Variants in FMNL1 observed in about 807,000 individuals in gnomAD.
FMNL1 encodes the protein formin like 1.
In FMNL1, 43 loss-of-function variants were observed where a neutral mutation model predicts 121.3. That is an observed-to-expected ratio of 0.35 (90% CI 0.28 to 0.46). FMNL1 has a LOEUF of 0.46. Among genes scored for constraint, FMNL1 ranks in the 20% least tolerant of loss-of-function variants. The probability of loss-of-function intolerance (pLI) is 1.00; values close to 1 mark genes in which losing one functional copy is unlikely to be tolerated. For missense variants in FMNL1, 1,191 were observed against 1,482.4 expected, an observed-to-expected ratio of 0.80 and a Z score of 3.23; for synonymous variants, 613 against 613.5, an observed-to-expected ratio of 1.00 and a Z score of 0.01.
intron 9 of FMNL1, chr17:45,238,039 T>C (rs1052639168): frequency 1.4e-5 from 3 of 208,632 alleles, no homozygotes; most frequent in African/African-American, 6.9e-5. Flanking sequence ...ATTCCTTTAA[T>C]GAATATTTAT....
intron 1 of FMNL1, among the ~76,000 whole-genome samples, chr17:45,227,471 G>T (rs1044603341): frequency 2.6e-5 from 4 of 152,150 alleles, no homozygotes; most frequent in South Asian, 2.1e-4. Context: ...ATAGAAAGAT[G>T]TGGGGAATCA....
At chr17:45,230,788 A>G in intron 2 of FMNL1, 101 bp downstream of exon 2, 3 of 1,291,738 alleles carry the variant, frequency 2.3e-6, no homozygotes, top group Non-Finnish European at 3.2e-6. Flanking sequence ...CATACTGCCC[A>G]TGGAGCCAAG....
At chr17:45,227,687 C>A (rs1454910220) in intron 1 of FMNL1, among the ~76,000 whole-genome samples, 1 of 152,174 alleles carries the variant, frequency 6.6e-6, no homozygotes, top group African/African-American at 2.4e-5. Flanking sequence ...GACCCCTGCC[C>A]CTCCACCTCT....
chr17:45,238,813 T>TGAA, intron 10 of FMNL1, 142 bp from the exon 11 acceptor site: 2 of 1,065,562 alleles, frequency 1.9e-6, no homozygotes, highest in East Asian at 4.9e-5. Context: ...AACATGGAGG[T>TGAA]GAAATGTTGG....
At chr17:45,239,869 C>T (rs964437087) in intron 11 of FMNL1, among the ~76,000 whole-genome samples, 2 of 149,900 alleles carry the variant, frequency 1.3e-5, no homozygotes, top group Non-Finnish European at 2.9e-5. Flanking sequence ...GATCTTGGCT[C>T]ACTGCAACCT....
chr17:45,241,428 C>G lies in FMNL1; in HGVS notation c.1379C>G (p.Pro460Arg), dbSNP rs775042183. The G allele has an allele frequency of 6.4e-7, 1 of 1,563,188 alleles. No individual in the cohort carries two copies. The highest frequency in any genetic ancestry group is 1.4e-5 in the African/African-American group (1 of 73,708). Residue 460 changes from proline to arginine, a missense_variant, in exon 14 of 27, where the codon CCA (proline) becomes CGA (arginine). Physicochemically the swap from Pro to Arg is moderately radical, Grantham distance 103 (BLOSUM62 -2). This residue lies in a region of FMNL1 where 519 missense variants were observed against 492.8 expected (regional missense o/e 1.05). Transcript: ENST00000331495. This position sits in a 1 kb window ranked among gnomAD's most constrained non-coding sequence, Gnocchi z 7.0. ...STAMGPSRRP[P>R]EPEKAPPAAP... ...GCCATGGGGCCCTCCAGGCGTCCCC[C>G]AGAGCCTGAGAAAGCGCCTCCCGCT...
At chr17:45,244,709 C>A in intron 19 of FMNL1, 110 bp from the exon 20 acceptor site, 1 of 1,118,204 alleles carries the variant, frequency 8.9e-7, no homozygotes, top group Non-Finnish European at 1.3e-6. Flanking sequence ...ACAGTAGGGG[C>A]TGAGTGTGTG....
At chr17:45,243,359 C>G (rs531101031) in intron 17 of FMNL1, 39 bp downstream of exon 17, 2 of 1,604,290 alleles carry the variant, frequency 1.2e-6, no homozygotes, top group East Asian at 4.5e-5. Context: ...CAGTCCGGCC[C>G]CTTTGCTAGG....
chr17:45,243,924 C>T lies in FMNL1; in HGVS notation c.2347C>T (p.Arg783Cys), dbSNP rs779109591. The change falls in exon 18 of 27, where the codon CGC becomes TGC. Residue 783 changes from arginine (R) to cysteine (C), a missense_variant. This residue lies in a region of FMNL1 where 367 missense variants were observed against 528.6 expected (regional missense o/e 0.69). Transcript: ENST00000331495. Reference protein sequence around the residue: ...RPMEELSEEDRFMLCFSRIPR... With the variant: ...RPMEELSEEDCFMLCFSRIPR... ...AATGGAGGAGCTGTCAGAGGAGGAC[C>T]GCTTCATGCTATGCTTCAGCCGCAT... The T allele has an allele frequency of 6.8e-6, 11 of 1,613,910 alleles. No individual in the cohort carries two copies. The highest frequency in any genetic ancestry group is 1.7e-5 in the Admixed American group (1 of 60,034).
chr17:45,226,138 C>T (rs916385867), intron 1 of FMNL1, among the ~76,000 whole-genome samples: 11 of 152,336 alleles, frequency 7.2e-5, no homozygotes, highest in Admixed American at 2.0e-4. Context: ...GCAACCTCCC[C>T]ACCGTTATGC....
intron 1 of FMNL1, among the ~76,000 whole-genome samples, chr17:45,224,415 C>T (rs535632691): frequency 3.9e-4 from 60 of 152,322 alleles, no homozygotes; most frequent in African/African-American, 1.4e-3. Context: ...TGAGTCCTGT[C>T]CTCGGTCAGT....
rs2043658316 is a variant in FMNL1, at chr17:45,240,396, G to A, written c.1081-80G>A. 4.8e-6 allele frequency: 7 copies of A among 1,459,570 alleles called. No homozygotes were observed. The East Asian group carries it at 1.4e-4, about 30-fold the overall frequency. The allele number at this position is 1,459,570 out of a possible 1,614,324, so 90.4% of individuals were successfully genotyped here. A position where few individuals can be genotyped will look rare whatever the true frequency, so the allele number is the denominator to read the frequency against. ...CAGGCCCCTTCCTCTGGATGGCAGT[G>A]GTGGCAGGGGGGTGGTTTGGAAAGA... is the stretch of plus-strand genomic sequence containing the variant. On this transcript the variant is annotated intron_variant, in intron 11 of 26. Coordinates refer to ENST00000331495, the MANE Select transcript of FMNL1 (RefSeq NM_005892.4).
At chr17:45,244,745 C>T (rs575525001) in intron 19 of FMNL1, 74 bp from the exon 20 acceptor site, 4 of 1,491,154 alleles carry the variant, frequency 2.7e-6, no homozygotes, top group African/African-American at 2.8e-5. Context: ...CACCTCTTCT[C>T]CTCCTTGTGC....
At chr17:45,238,798 G>T in intron 10 of FMNL1, 157 bp from the exon 11 acceptor site, 1 of 1,094,518 alleles carries the variant, frequency 9.1e-7, no homozygotes. Context: ...GGGCTGGATT[G>T]AGGGAACATG....
In FMNL1 at chr17:45,245,636, C is replaced by T. The variant is rs761065324; in HGVS notation, c.2897C>T (p.Ala966Val). ...GCTGACAGGCTGTGCCCACAGGAGG[C>T]CTTTGAGTCTGTGGTGGAGTACTTC... ...LLADSKTAQE[A>V]FESVVEYFGE... is the part of the protein sequence containing the mutation. Residue 966 changes from alanine to valine, a missense_variant, in exon 23 of 27, where the codon GCC becomes GTC. Around this residue, in one of 4 missense-constraint regions of FMNL1, gnomAD observed 367 missense variants for 528.6 expected, o/e 0.69. Transcript: ENST00000331495. The T allele has an allele frequency of 1.9e-6, 3 of 1,614,006 alleles. No individual in the cohort carries two copies. The highest frequency in any genetic ancestry group is 2.5e-6 in the Non-Finnish European group (3 of 1,179,926).
intron 1 of FMNL1, among the ~76,000 whole-genome samples, chr17:45,222,520 T>C (rs2043248367): frequency 6.6e-6 from 1 of 152,072 alleles, no homozygotes; most frequent in African/African-American, 2.4e-5. Flanking sequence ...TAAACAAGTA[T>C]GTCCTGTGAA....
Position 45,233,942 on chromosome 17 carries a change from C to T in FMNL1, c.486-130C>T, listed in dbSNP as rs1387253171. 3 of 1,409,076 alleles carry T rather than the reference C, an allele frequency of 2.1e-6. No individual in the cohort carries two copies. In the East Asian group the frequency reaches 7.5e-5, roughly 35 times the overall value. 87.3% of individuals were successfully genotyped at this position (1,409,076 alleles called of 1,614,324 possible). ...TTCCACCACTATGTTCAGCACAGTGCCAAGAACACAGCCTCCTCCTCCTGC... is the reference window on the plus strand; with the variant it reads ...TTCCACCACTATGTTCAGCACAGTGTCAAGAACACAGCCTCCTCCTCCTGC... On this transcript the variant is annotated intron_variant, in intron 5 of 26. Coordinates refer to ENST00000331495, the MANE Select transcript of FMNL1 (RefSeq NM_005892.4). This position sits in a 1 kb window ranked among gnomAD's most constrained non-coding sequence, Gnocchi z 4.1.
Position 45,241,035 on chromosome 17 carries a change from C to G in FMNL1, c.1231-94C>G. 1 of 1,486,616 alleles carries G rather than the reference C, an allele frequency of 6.7e-7. No individual in the cohort carries two copies. The highest frequency in any genetic ancestry group is 1.2e-5 in the South Asian group (1 of 86,112). The allele number at this position is 1,486,616 out of a possible 1,614,324, so 92.1% of individuals were successfully genotyped here. ...GCTGAGCGGATCTGGGAGCCTCCCC[C>G]AGTCTTCCAGGCAGGCATGCCTGAT... On this transcript the variant is annotated intron_variant, in intron 12 of 26. Transcript: ENST00000331495. The surrounding 1 kb of genome is among the most constrained non-coding windows in gnomAD (Gnocchi z 7.0).
intron 1 of FMNL1, among the ~76,000 whole-genome samples, chr17:45,227,239 C>G (rs1340019894): frequency 6.6e-6 from 1 of 152,166 alleles, no homozygotes; most frequent in African/African-American, 2.4e-5. Context: ...GTAGGCTCCG[C>G]TCAAACTGAA....
Sources: allele counts gnomAD v4.1 joint callset (sites outside exome capture counted in the v4.1 genomes callset), GRCh38; gene constraint gnomAD v4.1.1; regional missense constraint gnomAD v4.1.1; non-coding constraint Gnocchi (gnomAD v3.1); transcripts MANE v1.5; gene names NCBI Gene and HGNC (gene_info 2026-07-23, HGNC 2026-07-21).